The following DOCK7 variants were observed in gnomAD, a reference collection of about 807,000 sequenced individuals.
DOCK7 encodes dedicator of cytokinesis protein 7.
DOCK7 carries 138 observed loss-of-function variants against 271.0 expected under a neutral mutation model. That is an observed-to-expected ratio of 0.51 (90% confidence interval 0.44 to 0.59). DOCK7 has a LOEUF of 0.59. Ranked by LOEUF, DOCK7 falls within the 20% of genes least tolerant of loss-of-function variation. DOCK7 has a pLI of 0.00. For synonymous variants in DOCK7, 823 were observed against 876.1 expected (o/e 0.94, Z 1.07); for missense variants, 2,066 against 2,592.4 (o/e 0.80, Z 4.41).
At chr1:62,638,310 AG>A (rs1655530409) in intron 7 of DOCK7, 1 of 152,104 alleles carries the variant, frequency 6.6e-6, no homozygotes, top group African/African-American at 2.4e-5. Flanking sequence ...ATTTTAATGA[AG>A]TAAAATGTGT....
At chr1:62,621,190 T>A (rs1387981867) in intron 12 of DOCK7, among the ~76,000 whole-genome samples, 1 of 150,744 alleles carries the variant, frequency 6.6e-6, no homozygotes, top group African/African-American at 2.4e-5. Flanking sequence ...GGAGGAGGAA[T>A]AGGAGGAGGA....
intron 8 of DOCK7, 136 bp from the exon 9 acceptor site, chr1:62,635,058 A>T: frequency 2.1e-6 from 1 of 475,386 alleles, no homozygotes; most frequent in Non-Finnish European, 3.7e-6. Flanking sequence ...TACAGTAATT[A>T]TAATAAGAAA....
At chr1:62,611,899 C>T (rs1651833726) in intron 14 of DOCK7, among the ~76,000 whole-genome samples, 1 of 151,548 alleles carries the variant, frequency 6.6e-6, no homozygotes, top group African/African-American at 2.4e-5. Context: ...AATCCCAGCA[C>T]TTTGGTAGGC....
intron 11 of DOCK7, chr1:62,627,899 A>G (rs1654143739): frequency 6.6e-6 from 1 of 152,224 alleles, no homozygotes; most frequent in Non-Finnish European, 1.5e-5. Context: ...ATATGGAAAT[A>G]AAAGAAACCC....
chr1:62,474,211 C>T, intron 47 of DOCK7, 123 bp from the exon 48 acceptor site: 1 of 661,024 alleles, frequency 1.5e-6, no homozygotes, highest in Non-Finnish European at 2.6e-6. Context: ...GCATATATGC[C>T]TATGCCTATA....
chr1:62,510,431 T>A (rs1644449892), intron 34 of DOCK7, 146 bp downstream of exon 34: 1 of 499,406 alleles, frequency 2.0e-6, no homozygotes, highest in Non-Finnish European at 3.1e-6. Context: ...CTAAAATTTT[T>A]AAATTAAATA....
At chr1:62,679,334 T>C (rs1399868593) in intron 1 of DOCK7, among the ~76,000 whole-genome samples, 1 of 152,020 alleles carries the variant, frequency 6.6e-6, no homozygotes. Context: ...CCATTAAAAC[T>C]ATGAAAAACA....
At chr1:62,479,687 GT>G in intron 43 of DOCK7, 3 of 347,300 alleles carry the variant, frequency 8.6e-6, no homozygotes, top group South Asian at 2.3e-5. Flanking sequence ...TTTATTTTTA[GT>G]TTTTAGTTTT....
At chr1:62,614,342 A>T (rs530725210) in intron 14 of DOCK7, among the ~76,000 whole-genome samples, 95 of 151,762 alleles carry the variant, frequency 6.3e-4, no homozygotes, top group Admixed American at 2.0e-3. Context: ...GTTTTTTTTT[A>T]AAATAAACTA....
At chr1:62,662,984 C>T in intron 2 of DOCK7, 41 bp downstream of exon 2, 1 of 1,507,134 alleles carries the variant, frequency 6.6e-7, no homozygotes, top group Non-Finnish European at 9.2e-7. Flanking sequence ...CCTAGTCAAT[C>T]ATACACCAAG....
intron 14 of DOCK7, among the ~76,000 whole-genome samples, chr1:62,591,117 A>G (rs190543842): frequency 7.9e-4 from 121 of 152,292 alleles, no homozygotes; most frequent in African/African-American, 2.7e-3. Flanking sequence ...CAGACTGGAT[A>G]AAGAAATCAA....
intron 21 of DOCK7, 129 bp from the exon 22 acceptor site, chr1:62,553,030 T>TA: frequency 2.2e-6 from 1 of 457,474 alleles, no homozygotes; most frequent in African/African-American, 2.6e-5. Context: ...ATAAAAAATA[T>TA]ACTTTTTTTT....
chr1:62,506,745 C>T (rs1027120161), intron 35 of DOCK7, among the ~76,000 whole-genome samples: 3 of 150,570 alleles, frequency 2.0e-5, no homozygotes, highest in South Asian at 2.1e-4. Context: ...GTCAGGAGTT[C>T]GAGACCAGCC....
chr1:62,634,696 C>A (rs1300948576), intron 9 of DOCK7, 77 bp downstream of exon 9: 58 of 1,421,328 alleles, frequency 4.1e-5, no homozygotes, highest in Middle Eastern at 1.8e-4. Flanking sequence ...AATCTTTGCC[C>A]TTGAAAAGTT....
intron 18 of DOCK7, among the ~76,000 whole-genome samples, chr1:62,572,062 A>T (rs1187550526): frequency 6.6e-6 from 1 of 152,150 alleles, no homozygotes; most frequent in Non-Finnish European, 1.5e-5. Context: ...AGAACTTAAA[A>T]ATAAATAAAA....
intron 14 of DOCK7, among the ~76,000 whole-genome samples, chr1:62,606,366 A>T (rs1331486560): frequency 6.6e-6 from 1 of 151,200 alleles, no homozygotes; most frequent in Non-Finnish European, 1.5e-5. Flanking sequence ...TCCTTTCAGG[A>T]GTAGTAAATT....
chr1:62,582,180 G>A (rs941066766), intron 16 of DOCK7, among the ~76,000 whole-genome samples: 1 of 152,154 alleles, frequency 6.6e-6, no homozygotes, highest in African/African-American at 2.4e-5. Flanking sequence ...TGAGAGTAAA[G>A]CACATAGAAA....
intron 14 of DOCK7, chr1:62,609,686 GCC>G (rs1201573870): frequency 2.0e-5 from 3 of 152,168 alleles, no homozygotes. Flanking sequence ...GAACAAAACT[GCC>G]CTTCTCAGAG....
intron 1 of DOCK7, 100 bp downstream of exon 1, chr1:62,688,127 C>T: frequency 8.4e-7 from 1 of 1,188,822 alleles, no homozygotes. Context: ...ATCCCGGTGC[C>T]GGCCCCGCCA....
Sources: gnomAD v4.1 joint callset for allele counts (sites outside exome capture counted in the v4.1 genomes callset) on GRCh38, gnomAD v4.1.1 for gene constraint, MANE v1.5 for transcripts, NCBI Gene and HGNC (gene_info 2026-07-23, HGNC 2026-07-21) for gene names.